SLC16A3: variants seen among roughly 807,000 people sequenced by gnomAD.
SLC16A3 encodes the protein monocarboxylate transporter 4.
Under a neutral mutation model 25.0 loss-of-function variants are expected in SLC16A3, and 22 were observed. That is an observed-to-expected ratio of 0.88 (90% CI 0.63 to 1.26). The LOEUF is 1.26. Among genes scored for constraint, SLC16A3 ranks in the 50% most tolerant of loss-of-function variants. The pLI is 0.00. For synonymous variants in SLC16A3, 390 were observed against 309.2 expected (o/e 1.26, Z -2.74); for missense variants, 731 against 666.6 (o/e 1.10, Z -1.06).
Position 82,239,903 on chromosome 17 carries a change from C to T in SLC16A3, c.*927C>T, listed in dbSNP as rs760441230. The T allele has an allele frequency of 1.0e-6, 1 of 952,826 alleles. No homozygotes were observed. The highest frequency in any genetic ancestry group is 5.4e-5 in the South Asian group (1 of 18,638). 59.0% of individuals were successfully genotyped at this position (952,826 alleles called of 1,614,324 possible). On this transcript the variant is annotated 3_prime_UTR_variant, in exon 5 of 5. Transcript: ENST00000582743. ...CAGCGCTTGGGCTTGTCCTGGACACCTAACACCCACCTGCCCTCGTGGCCA... is the reference window on the plus strand; with the variant it reads ...CAGCGCTTGGGCTTGTCCTGGACACTTAACACCCACCTGCCCTCGTGGCCA...
chr17:82,235,956 C>T, intron 1 of SLC16A3, 27 bp from the exon 2 acceptor site: 2 of 1,490,138 alleles, frequency 1.3e-6, no homozygotes, highest in Admixed American at 3.8e-5. Flanking sequence ...ACCCGGGCAG[C>T]CTGAGTCAGC....
chr17:82,225,553 G>A (rs2050416529), upstream of SLC16A3, among the ~76,000 whole-genome samples: 1 of 152,252 alleles, frequency 6.6e-6, no homozygotes, highest in South Asian at 2.1e-4. Flanking sequence ...CTGTAAGGCA[G>A]GCAGGGTCAG....
In SLC16A3 at chr17:82,239,940, C is replaced by T. The variant is rs112707206; in HGVS notation, c.*964C>T. On this transcript the variant is annotated 3_prime_UTR_variant, in exon 5 of 5. Transcript: ENST00000582743. ...TGCCCTCGTGGCCAGCAGTGGCCTG[C>T]GTGGCTGGGAGCCCGGTCAGAGGCC... 1.2e-3 allele frequency: 1,410 copies of T among 1,187,978 alleles called. 16 individuals carry two copies. The African/African-American group carries it at 0.019, about 16-fold the overall frequency. 73.6% of individuals were successfully genotyped at this position (1,187,978 alleles called of 1,614,324 possible).
chr17:82,237,467 G>A lies in SLC16A3; in HGVS notation c.697G>A (p.Val233Met), dbSNP rs186654805. ...FRDRGFVLYA[V>M]AASVMVLGLF... Reference sequence around the variant, plus strand: ...GGACCGCGGCTTTGTGCTTTACGCCGTGGCCGCCTCGGTCATGGTGCTGGG... The same window carrying A: ...GGACCGCGGCTTTGTGCTTTACGCCATGGCCGCCTCGGTCATGGTGCTGGG... Residue 233 changes from valine (V) to methionine (M), a missense_variant, in exon 4 of 5, where the codon GTG becomes ATG. By Grantham distance (21) the Val-to-Met change is conservative. Transcript: ENST00000582743. 3.1e-5 allele frequency: 50 copies of A among 1,607,872 alleles called. No homozygotes were observed. In the Admixed American group the frequency reaches 7.2e-4, roughly 23 times the overall value.
Position 82,239,069 on chromosome 17 carries a change from C to A in SLC16A3, c.*93C>A. On this transcript the variant is annotated 3_prime_UTR_variant, in exon 5 of 5. Coordinates refer to ENST00000582743, the MANE Select transcript of SLC16A3 (RefSeq NM_004207.4). ...ACAAACTGGACTGGCTCAGGCAGGG[C>A]CACGGCTGGGCTCCAGCTGCCGGCC... is the stretch of plus-strand genomic sequence containing the variant. 1 of 1,291,172 alleles carries A rather than the reference C, an allele frequency of 7.7e-7. No individual in the cohort carries two copies. The highest frequency in any genetic ancestry group is 1.5e-5 in the African/African-American group (1 of 67,300). The allele number at this position is 1,291,172 out of a possible 1,614,324, so 80.0% of individuals were successfully genotyped here. A position where few individuals can be genotyped will look rare whatever the true frequency, so the allele number is the denominator to read the frequency against.
intron 1 of SLC16A3, 43 bp from the exon 2 acceptor site, chr17:82,235,940 A>T: frequency 7.3e-7 from 1 of 1,368,646 alleles, no homozygotes; most frequent in Non-Finnish European, 1.0e-6. Context: ...TGCAGCTGGG[A>T]TGGTCACCCG....
chr17:82,226,146 C>T, upstream of SLC16A3, among the ~76,000 whole-genome samples: 1 of 151,946 alleles, frequency 6.6e-6, no homozygotes, highest in Non-Finnish European at 1.5e-5. Context: ...GGCCCTGTAG[C>T]TGGAACTGGG....
At chr17:82,218,889 C>T (rs1232048746) in intron 1 of SLC16A3, among the ~76,000 whole-genome samples, 1 of 152,150 alleles carries the variant, frequency 6.6e-6, no homozygotes, top group Non-Finnish European at 1.5e-5. Flanking sequence ...GCCAATGGCT[C>T]ACTGAGCCGC....
At chr17:82,235,016 G>A (rs2050573693) in intron 1 of SLC16A3, 1 of 152,334 alleles carries the variant, frequency 6.6e-6, no homozygotes, top group East Asian at 1.9e-4. Flanking sequence ...GAGAGGACAA[G>A]GTGACTTCTG....
intron 3 of SLC16A3, 83 bp from the exon 4 acceptor site, chr17:82,237,055 C>G: frequency 1.4e-6 from 2 of 1,458,662 alleles, no homozygotes; most frequent in African/African-American, 2.8e-5. Flanking sequence ...GAGCCTGAGC[C>G]TGTGGGAACC....
At chr17:82,219,191 A>G (rs1160887118) in intron 1 of SLC16A3, among the ~76,000 whole-genome samples, 13 of 151,354 alleles carry the variant, frequency 8.6e-5, no homozygotes, top group Admixed American at 8.5e-4. Context: ...GAAGAGGAGG[A>G]CACCCGGGAC....
rs747525411 is a variant in SLC16A3 at position 82,236,036 on chromosome 17, C to T, written c.28C>T (p.Pro10Ser). The T allele has an allele frequency of 6.2e-6, 10 of 1,612,422 alleles. No homozygotes were observed. Among genetic ancestry groups the T allele is most frequent in the Non-Finnish European group, 8.5e-6 (10 of 1,179,780 alleles). MGGAVVDEG[P>S]TGVKAPDGGW... is the part of the protein sequence containing the mutation. The stretch of plus-strand genomic sequence containing the variant: ...GGGAGGGGCCGTGGTGGACGAGGGC[C>T]CCACAGGCGTCAAGGCCCCTGACGG... Residue 10 changes from proline (P) to serine (S), a missense_variant, in exon 2 of 5, where the codon CCC becomes TCC. Pro to Ser is a moderately conservative substitution (Grantham distance 74). Coordinates refer to ENST00000582743, the MANE Select transcript of SLC16A3 (RefSeq NM_004207.4).
At chr17:82,236,300 C>T (rs2050600863) in intron 2 of SLC16A3, 69 bp downstream of exon 2, 1 of 1,424,290 alleles carries the variant, frequency 7.0e-7, no homozygotes, top group Admixed American at 1.7e-5. Context: ...GCGCGTGTAG[C>T]TGGGCTCAGC....
At chr17:82,226,099 G>A (rs918331628), upstream of SLC16A3, among the ~76,000 whole-genome samples, 5 of 152,180 alleles carry the variant, frequency 3.3e-5, no homozygotes, top group African/African-American at 7.2e-5. Context: ...AAGGACCTGG[G>A]GGCCAGGCCC....
At chr17:82,235,837 C>T (rs2050586876) in intron 1 of SLC16A3, 146 bp from the exon 2 acceptor site, 1 of 617,908 alleles carries the variant, frequency 1.6e-6, no homozygotes, top group African/African-American at 1.8e-5. Flanking sequence ...CTCCACCAGA[C>T]ACCAGGTCAG....
Position 82,239,393 on chromosome 17 carries a change from G to T in SLC16A3, c.*417G>T. ...CCTACCCTGGGCTCACATGGGGCCT[G>T]TGCCCACCCCTCTTGAGTGTCTTGG... is the stretch of plus-strand genomic sequence containing the variant. On this transcript the variant is annotated 3_prime_UTR_variant, in exon 5 of 5. Coordinates refer to ENST00000582743, the MANE Select transcript of SLC16A3 (RefSeq NM_004207.4). 1 of 181,388 alleles carries T rather than the reference G, an allele frequency of 5.5e-6. No individual in the cohort carries two copies. The allele number at this position is 181,388 out of a possible 1,614,324, so 11.2% of individuals were successfully genotyped here. A position where few individuals can be genotyped will look rare whatever the true frequency, so the allele number is the denominator to read the frequency against.
chr17:82,224,954 C>T (rs2050413053), upstream of SLC16A3, among the ~76,000 whole-genome samples: 1 of 152,186 alleles, frequency 6.6e-6, no homozygotes, highest in Non-Finnish European at 1.5e-5. Context: ...TTCACCTCTG[C>T]CCCCTACCTG....
At chr17:82,226,451 AC>A (rs2050422440), upstream of SLC16A3, among the ~76,000 whole-genome samples, 2 of 151,854 alleles carry the variant, frequency 1.3e-5, no homozygotes, top group South Asian at 4.2e-4. Context: ...GGCCTTTCCC[AC>A]CCCTTCCCGC....
Position 82,239,040 on chromosome 17 carries a change from T to A in SLC16A3, c.*64T>A. 1 of 1,447,172 alleles carries A rather than the reference T, an allele frequency of 6.9e-7. No individual in the cohort carries two copies. The highest frequency in any genetic ancestry group is 9.2e-7 in the Non-Finnish European group (1 of 1,085,716). 89.6% of individuals were successfully genotyped at this position (1,447,172 alleles called of 1,614,324 possible). A position where few individuals can be genotyped will look rare whatever the true frequency, so the allele number is the denominator to read the frequency against. On this transcript the variant is annotated 3_prime_UTR_variant, in exon 5 of 5. Coordinates refer to ENST00000582743, the MANE Select transcript of SLC16A3 (RefSeq NM_004207.4). Reference sequence around the variant, plus strand: ...AGAAGCCGGCAACGCTTGCTATTTATTTTACAAACTGGACTGGCTCAGGCA... The same window carrying A: ...AGAAGCCGGCAACGCTTGCTATTTAATTTACAAACTGGACTGGCTCAGGCA...
Sources: gnomAD v4.1 joint callset for allele counts (sites outside exome capture counted in the v4.1 genomes callset) on GRCh38, gnomAD v4.1.1 for gene constraint, MANE v1.5 for transcripts, NCBI Gene and HGNC (gene_info 2026-07-23, HGNC 2026-07-21) for gene names.